The following FSD1L variants were observed in gnomAD, a reference collection of about 807,000 sequenced individuals.
The protein encoded by FSD1L is fibronectin type III and SPRY domain containing 1 like.
In FSD1L, 45 loss-of-function variants were observed where a neutral mutation model predicts 71.6. The observed-to-expected ratio is 0.63, with a 90% CI of 0.49 to 0.81. The LOEUF (loss-of-function observed/expected upper bound fraction) is 0.81, where lower values mean the gene tolerates loss of function less well. Among genes scored for constraint, FSD1L ranks in the 30% least tolerant of loss-of-function variants. The pLI is 0.00. For missense variants in FSD1L, 561 were observed against 618.1 expected (o/e 0.91, Z 0.98); for synonymous variants, 197 against 207.2 (o/e 0.95, Z 0.42).
chr9:105,506,701 G>GT, intron 8 of FSD1L, 93 bp downstream of exon 8: 1 of 933,900 alleles, frequency 1.1e-6, no homozygotes, highest in Non-Finnish European at 1.6e-6. Flanking sequence ...AAGTTTTAAA[G>GT]TTTCTTTAGT....
Position 105,535,151 on chromosome 9 carries a change from A to G in FSD1L, c.1211A>G (p.Tyr404Cys). Residue 404 changes from tyrosine (Y) to cysteine (C), a missense_variant, in exon 12 of 14, where the codon TAC (tyrosine) becomes TGC (cysteine). Physicochemically the swap from Tyr to Cys is radical, Grantham distance 194. Coordinates refer to ENST00000481272, the MANE Select transcript of FSD1L (RefSeq NM_001145313.3). Reference protein sequence around the residue: ...DCKSYSVGVAYKTLGKFDQLG... With the variant: ...DCKSYSVGVACKTLGKFDQLG... ...AAATCCTACAGTGTGGGAGTAGCAT[A>G]CAAAACGTTGGGGAAATTTGACCAA... is the stretch of plus-strand genomic sequence containing the variant. The G allele has an allele frequency of 6.4e-7, 1 of 1,552,004 alleles. No homozygotes were observed. Among genetic ancestry groups the G allele is most frequent in the Non-Finnish European group, 8.7e-7 (1 of 1,147,036 alleles).
intron 6 of FSD1L, among the ~76,000 whole-genome samples, chr9:105,481,204 T>G (rs1331530580): frequency 1.2e-3 from 178 of 144,784 alleles, no homozygotes; most frequent in African/African-American, 4.4e-3. Context: ...TTTTTTTTTT[T>G]GCTTGTTCAA....
rs1258675290 is a variant in FSD1L at position 105,487,448 on chromosome 9, A to T, written c.586+2946A>T. 2.6e-5 allele frequency among the ~76,000 whole-genome samples: 4 copies of T among 151,704 alleles called. No individual in the cohort carries two copies. The South Asian group carries it at 8.3e-4, about 31-fold the overall frequency. ...GGTTTTTTTTTTTTCCTATTCTAAT[A>T]GGTGACAAATGTGTTATGATTGTTT... On this transcript the variant is annotated intron_variant, in intron 7 of 13. Transcript: ENST00000481272.
At chr9:105,528,241 A>C (rs1294903790) in intron 10 of FSD1L, among the ~76,000 whole-genome samples, 1 of 152,218 alleles carries the variant, frequency 6.6e-6, no homozygotes, top group Non-Finnish European at 1.5e-5. Flanking sequence ...ATTCAACGCT[A>C]TTCCCATCAA....
rs79367894 is a variant in FSD1L, at chr9:105,456,759, G to A, written c.16-4761G>A. Among the ~76,000 whole-genome samples the A allele has an allele frequency of 9.9e-4, 151 of 152,288 alleles. 1 individual carries two copies. The East Asian group carries it at 0.025, about 25-fold the overall frequency. ...ATTGCCTGTGCAGACTTCCTATGGAGACTTATCTCATATATTTTACTATGA... is the reference window on the plus strand; with the variant it reads ...ATTGCCTGTGCAGACTTCCTATGGAAACTTATCTCATATATTTTACTATGA... On this transcript the variant is annotated intron_variant, in intron 1 of 13. Transcript: ENST00000481272.
At chr9:105,502,833 AAAG>A (rs1833844103) in intron 7 of FSD1L, among the ~76,000 whole-genome samples, 1 of 152,068 alleles carries the variant, frequency 6.6e-6, no homozygotes, top group African/African-American at 2.4e-5. Flanking sequence ...TTAAAAAAAA[AAAG>A]AAACCTTTTT....
chr9:105,446,140 T>G (rs1371620898), upstream of FSD1L, among the ~76,000 whole-genome samples: 2 of 151,874 alleles, frequency 1.3e-5, no homozygotes, highest in Non-Finnish European at 2.9e-5. Flanking sequence ...GGGGGATCCA[T>G]GTGGAGATGT....
intron 6 of FSD1L, among the ~76,000 whole-genome samples, chr9:105,480,357 A>T (rs1832089830): frequency 1.4e-5 from 2 of 147,092 alleles, no homozygotes; most frequent in African/African-American, 5.1e-5. Flanking sequence ...CAGTGGTGCG[A>T]TCTTGTCACA....
Position 105,542,578 on chromosome 9 carries a change from C to T in FSD1L, c.1467+3227C>T, listed in dbSNP as rs1369599194. ...AAGTGATCCTCCCACCTTAGCCTCCCGAGTAGCTGGGATTACAGGTGCCCA... is the reference window on the plus strand; with the variant it reads ...AAGTGATCCTCCCACCTTAGCCTCCTGAGTAGCTGGGATTACAGGTGCCCA... On this transcript the variant is annotated intron_variant, in intron 13 of 13. Coordinates refer to ENST00000481272, the MANE Select transcript of FSD1L (RefSeq NM_001145313.3). Among the ~76,000 whole-genome samples, 4 of 152,122 alleles carry T rather than the reference C, an allele frequency of 2.6e-5. No individual in the cohort carries two copies. In the South Asian group the frequency reaches 6.2e-4, roughly 24 times the overall value.
intron 10 of FSD1L, chr9:105,524,547 G>T: frequency 6.2e-7 from 1 of 1,613,972 alleles, no homozygotes. Context: ...CATTTATAAG[G>T]TTTTACATGG....
At chr9:105,488,457 G>A (rs1358884540) in intron 7 of FSD1L, among the ~76,000 whole-genome samples, 3 of 152,118 alleles carry the variant, frequency 2.0e-5, no homozygotes, top group Non-Finnish European at 4.4e-5. Context: ...CCAACTTTGG[G>A]CAGTTATGAA....
chr9:105,493,592 G>C (rs1198181004), intron 7 of FSD1L, among the ~76,000 whole-genome samples: 1 of 152,202 alleles, frequency 6.6e-6, no homozygotes, highest in African/African-American at 2.4e-5. Flanking sequence ...TTTCTTCCTA[G>C]CCTCGATGGT....
chr9:105,506,655 A>G, intron 8 of FSD1L, 47 bp downstream of exon 8: 1 of 1,300,804 alleles, frequency 7.7e-7, no homozygotes, highest in South Asian at 1.3e-5. Context: ...AGATAAATGT[A>G]TTGTTGAAAA....
chr9:105,476,544 A>T (rs1316651379), intron 5 of FSD1L, among the ~76,000 whole-genome samples: 1 of 152,192 alleles, frequency 6.6e-6, no homozygotes, highest in Non-Finnish European at 1.5e-5. Context: ...GCTGCAATGA[A>T]TGTTTAGATT....
chr9:105,506,116 TATTG>T (rs1248447913), intron 7 of FSD1L, among the ~76,000 whole-genome samples: 1 of 152,248 alleles, frequency 6.6e-6, no homozygotes, highest in Non-Finnish European at 1.5e-5. Flanking sequence ...TATTTGTTAA[TATTG>T]ATTTAATTTA....
chr9:105,477,002 C>T (rs1421933913), intron 5 of FSD1L, among the ~76,000 whole-genome samples: 2 of 152,150 alleles, frequency 1.3e-5, no homozygotes, highest in Non-Finnish European at 2.9e-5. Flanking sequence ...GCATGGACAA[C>T]AGTTTTTCCT....
intron 10 of FSD1L, chr9:105,520,975 T>C: frequency 6.2e-7 from 1 of 1,611,880 alleles, no homozygotes. Flanking sequence ...TCATTTTTGT[T>C]TTCACATTTT....
intron 13 of FSD1L, among the ~76,000 whole-genome samples, chr9:105,541,468 G>A (rs973963753): frequency 2.0e-5 from 3 of 151,898 alleles, no homozygotes; most frequent in African/African-American, 7.3e-5. Flanking sequence ...TCTATCTCAT[G>A]TATGTATGTA....
chr9:105,533,725 C>T (rs1022623039), intron 10 of FSD1L, among the ~76,000 whole-genome samples: 5 of 142,550 alleles, frequency 3.5e-5, no homozygotes, highest in Non-Finnish European at 6.1e-5. Flanking sequence ...GCAGCCCCCC[C>T]GTCCCTTTTT....
Sources: allele counts gnomAD v4.1 joint callset (sites outside exome capture counted in the v4.1 genomes callset), GRCh38; gene constraint gnomAD v4.1.1; transcripts MANE v1.5; gene names NCBI Gene and HGNC (gene_info 2026-07-23, HGNC 2026-07-21).